The following PDE1C variants were observed in gnomAD, a reference collection of about 807,000 sequenced individuals.
The protein encoded by PDE1C is dual specificity calcium/calmodulin-dependent 3',5'-cyclic nucleotide phosphodiesterase 1C.
Under a neutral mutation model 93.1 loss-of-function variants are expected in PDE1C, and 62 were observed. The observed-to-expected ratio is 0.67, with a 90% CI of 0.54 to 0.82. The LOEUF (loss-of-function observed/expected upper bound fraction) is 0.82, where lower values mean the gene tolerates loss of function less well. Among genes scored for constraint, PDE1C ranks in the 40% least tolerant of loss-of-function variants. The pLI, the probability that PDE1C is intolerant of heterozygous loss-of-function variation, is 0.00. For synonymous variants in PDE1C, 325 were observed against 310.1 expected, an observed-to-expected ratio of 1.05 and a Z score of -0.50; for missense variants, 742 against 884.6, an observed-to-expected ratio of 0.84 and a Z score of 2.04.
At chr7:32,000,334 A>T (rs1252596812) in intron 2 of PDE1C, among the ~76,000 whole-genome samples, 1 of 152,182 alleles carries the variant, frequency 6.6e-6, no homozygotes, top group African/African-American at 2.4e-5. Flanking sequence ...AACTCAAGAC[A>T]AGTAGGCTCC....
chr7:31,651,131 A>T, the PDE1C span: 1 of 1,609,976 alleles, frequency 6.2e-7, no homozygotes, highest in Non-Finnish European at 8.5e-7. Context: ...GTTCTTTCTC[A>T]TTGTTCTCAG....
intron 3 of PDE1C, among the ~76,000 whole-genome samples, chr7:32,158,709 A>C (rs1018294594): frequency 6.6e-6 from 1 of 152,192 alleles, no homozygotes; most frequent in African/African-American, 2.4e-5. Context: ...CTACGTGTGC[A>C]GGAGACCAAG....
At chr7:31,776,513 G>C (rs1393643356) in intron 16 of PDE1C, among the ~76,000 whole-genome samples, 1 of 152,090 alleles carries the variant, frequency 6.6e-6, no homozygotes, top group Non-Finnish European at 1.5e-5. Flanking sequence ...TCAATAAGGA[G>C]AGAGCAGAAT....
At chr7:31,681,059 T>C in the PDE1C span, among the ~76,000 whole-genome samples, 4 of 152,166 alleles carry the variant, frequency 2.6e-5, no homozygotes, top group African/African-American at 2.4e-5. Context: ...AATGCTATCA[T>C]TGAGGCCAAA....
rs1375916333 is a variant in PDE1C, at chr7:31,837,258, T to C, written c.1125A>G (p.Ala375=). 1.2e-6 allele frequency: 2 copies of C among 1,613,798 alleles called. No individual in the cohort carries two copies. Among genetic ancestry groups the C allele is most frequent in the Non-Finnish European group, 1.7e-6 (2 of 1,179,784 alleles). Residue 375 remains alanine, a synonymous_variant, in exon 11 of 18, where the codon GCA becomes GCG. Transcript: ENST00000396191. ...ATGCTTTTGCTGGATGGCTAATATC[T>C]GCTGTATGCAGCATAAGGGATAAGG... The part of the protein sequence containing the change: ...PKALSLMLHT[A]DISHPAKAWD...
At chr7:32,260,558 C>T (rs971215140) in intron 1 of PDE1C, among the ~76,000 whole-genome samples, 1 of 152,118 alleles carries the variant, frequency 6.6e-6, no homozygotes, top group African/African-American at 2.4e-5. Context: ...AGCGATCTCG[C>T]CTTCCTCGCC....
intron 2 of PDE1C, among the ~76,000 whole-genome samples, chr7:31,948,798 T>C (rs1266372299): frequency 6.6e-6 from 1 of 152,128 alleles, no homozygotes; most frequent in Non-Finnish European, 1.5e-5. Context: ...AGATTATAGT[T>C]TAACAGTAAT....
At chr7:31,785,428 G>A (rs1783825701) in intron 16 of PDE1C, 1 of 152,028 alleles carries the variant, frequency 6.6e-6, no homozygotes, top group Admixed American at 6.6e-5. Flanking sequence ...ACAGAAGCCA[G>A]AATAAACATG....
At chr7:31,620,054 G>A in the PDE1C span, among the ~76,000 whole-genome samples, 1 of 152,200 alleles carries the variant, frequency 6.6e-6, no homozygotes, top group African/African-American at 2.4e-5. Flanking sequence ...GAGGCTGGGG[G>A]AGGGGTGCCC....
chr7:32,322,702 C>T (rs1449526855), intron 1 of PDE1C, among the ~76,000 whole-genome samples: 6 of 151,792 alleles, frequency 4.0e-5, no homozygotes, highest in South Asian at 2.1e-4. Context: ...CTGCAACCTC[C>T]GCCTCCTGGG....
chr7:31,741,918 C>T, the PDE1C span, among the ~76,000 whole-genome samples: 1 of 152,232 alleles, frequency 6.6e-6, no homozygotes, highest in African/African-American at 2.4e-5. Context: ...TCTGTTTTCA[C>T]AGCTCAGGCA....
chr7:32,299,374 A>G, upstream of PDE1C: 10 of 985,692 alleles, frequency 1.0e-5, no homozygotes, highest in Non-Finnish European at 1.1e-5. Context: ...TGCCCCCAGC[A>G]CTGGCCTGGA....
chr7:32,201,349 C>T (rs1804997827), intron 2 of PDE1C, among the ~76,000 whole-genome samples: 1 of 152,144 alleles, frequency 6.6e-6, no homozygotes, highest in African/African-American at 2.4e-5. Flanking sequence ...AGCCAAGTCA[C>T]GTCTTCCTTG....
At chr7:32,408,399 G>C (rs1039803433) in intron 1 of PDE1C, among the ~76,000 whole-genome samples, 37 of 152,200 alleles carry the variant, frequency 2.4e-4, no homozygotes, top group African/African-American at 8.9e-4. Context: ...TCAGGAACTT[G>C]GGATGCCTGG....
At chr7:32,409,560 AT>A (rs1312725553) in intron 1 of PDE1C, among the ~76,000 whole-genome samples, 18 of 152,146 alleles carry the variant, frequency 1.2e-4, no homozygotes. Context: ...TTTAAAAAAA[AT>A]CATATCCAAG....
the PDE1C span, among the ~76,000 whole-genome samples, chr7:31,694,271 T>C: frequency 6.6e-6 from 1 of 152,190 alleles, no homozygotes; most frequent in East Asian, 1.9e-4. Flanking sequence ...CTAAGTTTAG[T>C]GGAAGGTTAG....
intron 2 of PDE1C, chr7:31,893,394 A>C: frequency 8.4e-6 from 6 of 711,002 alleles, no homozygotes; most frequent in Non-Finnish European, 8.6e-6. Context: ...ATATTCTAAT[A>C]ACTGAACGTG....
At chr7:31,782,318 G>A (rs964688692) in intron 16 of PDE1C, among the ~76,000 whole-genome samples, 11 of 152,144 alleles carry the variant, frequency 7.2e-5, no homozygotes, top group African/African-American at 2.4e-4. Flanking sequence ...AATGCATAGC[G>A]AAAGATCATA....
chr7:31,882,583 T>G (rs1336447153), intron 2 of PDE1C, among the ~76,000 whole-genome samples: 1 of 152,178 alleles, frequency 6.6e-6, no homozygotes, highest in East Asian at 1.9e-4. Flanking sequence ...ATTAAACTTT[T>G]CAAAGTTTAG....
Sources: gnomAD v4.1 joint callset for allele counts (sites outside exome capture counted in the v4.1 genomes callset) on GRCh38, gnomAD v4.1.1 for gene constraint, MANE v1.5 for transcripts, NCBI Gene and HGNC (gene_info 2026-07-23, HGNC 2026-07-21) for gene names.